Variants in EEF1AKMT2 observed in about 807,000 individuals in gnomAD.
EEF1AKMT2 encodes the protein eukaryotic translation elongation factor 1 alpha lysine methyltransferase 2.
A neutral mutation model predicts 35.8 loss-of-function variants in EEF1AKMT2; 32 were observed. That is an observed-to-expected ratio of 0.89 (90% confidence interval 0.67 to 1.20). The LOEUF (loss-of-function observed/expected upper bound fraction) is 1.20. Ranked by LOEUF, EEF1AKMT2 falls within the 50% of genes most tolerant of loss-of-function variation. EEF1AKMT2 has a pLI of 0.00. For synonymous variants in EEF1AKMT2, 121 were observed against 133.7 expected, an observed-to-expected ratio of 0.91 and a Z score of 0.65; for missense variants, 330 against 347.5, an observed-to-expected ratio of 0.95 and a Z score of 0.40.
chr10:124,771,933 G>C (rs1350971067), intron 4 of EEF1AKMT2, among the ~76,000 whole-genome samples: 1 of 152,134 alleles, frequency 6.6e-6, no homozygotes, highest in Non-Finnish European at 1.5e-5. Context: ...TTCATGCATT[G>C]TCAATGAACA....
Position 124,770,285 on chromosome 10 carries a change from C to T in EEF1AKMT2, c.399+4390G>A, listed in dbSNP as rs527628936. ...TACAAAAATTAGCTGGGTGTGGTGG[C>T]GGGTGCCTGTAGTCCCAGCTACTCG... On this transcript the variant is annotated intron_variant, in intron 4 of 6. Transcript: ENST00000368836. 7.9e-5 allele frequency among the ~76,000 whole-genome samples: 12 copies of T among 152,074 alleles called. No homozygotes were observed. The East Asian group carries it at 9.7e-4, about 12-fold the overall frequency.
At chr10:124,756,347 T>G (rs1950287345), downstream of EEF1AKMT2, among the ~76,000 whole-genome samples, 5 of 152,342 alleles carry the variant, frequency 3.3e-5, no homozygotes, top group South Asian at 1.0e-3. Flanking sequence ...AAGTCTCTTT[T>G]ACAGTGGTAT....
chr10:124,783,257 C>T (rs1318933888), intron 3 of EEF1AKMT2, among the ~76,000 whole-genome samples: 1 of 150,190 alleles, frequency 6.7e-6, no homozygotes, highest in Non-Finnish European at 1.5e-5. Flanking sequence ...TCTCCCACCT[C>T]AGCCTCCTGA....
intron 4 of EEF1AKMT2, among the ~76,000 whole-genome samples, chr10:124,769,946 C>CAA (rs71484588): frequency 0.066 from 3,962 of 60,122 alleles, 502 homozygotes; most frequent in African/African-American, 0.26. Flanking sequence ...AACTCCATCT[C>CAA]AAAAAAAAAA....
chr10:124,760,902 C>G (rs1433958778), intron 6 of EEF1AKMT2, among the ~76,000 whole-genome samples: 2 of 152,248 alleles, frequency 1.3e-5, no homozygotes, highest in Non-Finnish European at 2.9e-5. Flanking sequence ...CGGAGTCTCA[C>G]TCCATCACCG....
chr10:124,781,351 G>C (rs115592493), intron 3 of EEF1AKMT2, among the ~76,000 whole-genome samples: 2,044 of 151,872 alleles, frequency 0.013, 49 homozygotes, highest in African/African-American at 0.045. Context: ...GGCTGAGGCA[G>C]GCAGATCATC....
At position 124,759,457 on chromosome 10, in the gene EEF1AKMT2, C is replaced by G. The variant is rs369755346; in HGVS notation, c.*1046G>C. Reference sequence around the variant, plus strand: ...GAACACTAATAAAGTAACTACCCATCTTTTCTAACTGAACTTTATATGTAA... The same window carrying G: ...GAACACTAATAAAGTAACTACCCATGTTTTCTAACTGAACTTTATATGTAA... On this transcript the variant is annotated 3_prime_UTR_variant, in exon 7 of 7. Coordinates refer to ENST00000368836, the MANE Select transcript of EEF1AKMT2 (RefSeq NM_212554.4). 9 of 152,302 alleles carry G rather than the reference C, an allele frequency of 5.9e-5. No individual in the cohort carries two copies. In the East Asian group the frequency reaches 1.3e-3, roughly 23 times the overall value. 9.4% of individuals were successfully genotyped at this position (152,302 alleles called of 1,614,324 possible). A position where few individuals can be genotyped will look rare whatever the true frequency, so the allele number is the denominator to read the frequency against.
In EEF1AKMT2 at chr10:124,780,953, C is replaced by CT. The variant is rs914033040; in HGVS notation, c.292-6172dup. Reference sequence around the variant, plus strand: ...TGGAAGTCAAAAACAAGTGACGTAACTTTTTTTTTTTGAGACGGAGTCTTG... The same window carrying CT: ...TGGAAGTCAAAAACAAGTGACGTAACTTTTTTTTTTTTGAGACGGAGTCTTG... On this transcript the variant is annotated intron_variant, in intron 3 of 6. Coordinates refer to ENST00000368836, the MANE Select transcript of EEF1AKMT2 (RefSeq NM_212554.4). Among the ~76,000 whole-genome samples, 895 of 147,652 alleles carry CT rather than the reference C, an allele frequency of 6.1e-3. 10 individuals carry two copies. Among genetic ancestry groups the CT allele is most frequent in the African/African-American group, 0.02 (815 of 40,592 alleles).
At chr10:124,763,680 C>T (rs1467257529) in intron 5 of EEF1AKMT2, among the ~76,000 whole-genome samples, 1 of 152,120 alleles carries the variant, frequency 6.6e-6, no homozygotes, top group Non-Finnish European at 1.5e-5. Flanking sequence ...AGTACTCTAA[C>T]CAGGCTAAAG....
At chr10:124,784,120 G>A (rs1320413697) in intron 3 of EEF1AKMT2, among the ~76,000 whole-genome samples, 1 of 151,978 alleles carries the variant, frequency 6.6e-6, no homozygotes, top group African/African-American at 2.4e-5. Flanking sequence ...CACCACACCT[G>A]GCAATACATA....
At position 124,758,569 on chromosome 10, in the gene EEF1AKMT2, C is replaced by T. The variant is rs1276262688; in HGVS notation, c.*1934G>A. ...GGCACTAACATGCCCCAAATAGTGA[C>T]TCGAAAAGCTTTTCAACAAAGAACC... On this transcript the variant is annotated 3_prime_UTR_variant, in exon 7 of 7. Coordinates refer to ENST00000368836, the MANE Select transcript of EEF1AKMT2 (RefSeq NM_212554.4). The T allele has an allele frequency of 5.3e-5, 8 of 150,914 alleles. No homozygotes were observed. Among genetic ancestry groups the T allele is most frequent in the African/African-American group, 1.7e-4 (7 of 41,126 alleles). The allele number at this position is 150,914 out of a possible 1,614,324, so 9.3% of individuals were successfully genotyped here.
intron 3 of EEF1AKMT2, among the ~76,000 whole-genome samples, chr10:124,783,911 G>A (rs564226983): frequency 1.8e-4 from 28 of 152,076 alleles, no homozygotes; most frequent in Non-Finnish European, 3.7e-4. Context: ...CGCAACCTCC[G>A]CCTCCCAGGT....
chr10:124,763,818 T>C (rs897684434), intron 5 of EEF1AKMT2, among the ~76,000 whole-genome samples: 1 of 152,184 alleles, frequency 6.6e-6, no homozygotes, highest in African/African-American at 2.4e-5. Flanking sequence ...GAGCATTTAT[T>C]AAAACTGTCA....
At chr10:124,790,174 T>A in intron 2 of EEF1AKMT2, 99 bp downstream of exon 2, 1 of 929,794 alleles carries the variant, frequency 1.1e-6, no homozygotes, top group Non-Finnish European at 1.7e-6. Flanking sequence ...ATTACAGGCG[T>A]AAGCCACCGC....
At position 124,765,529 on chromosome 10, in the gene EEF1AKMT2, C is replaced by T. The variant is rs780294019; in HGVS notation, c.479G>A (p.Ser160Asn). 6.2e-6 allele frequency: 10 copies of T among 1,613,802 alleles called. No individual in the cohort carries two copies. The Admixed American group carries it at 1.7e-4, about 27-fold the overall frequency. Residue 160 changes from serine (S) to asparagine (N), a missense_variant, in exon 5 of 7, where the codon AGC (serine) becomes AAC (asparagine). Physicochemically the swap from Ser to Asn is conservative, Grantham distance 46 (BLOSUM62 1). Transcript: ENST00000368836. ...CTCAATTGCATTGTCAGGATTAAGG[C>T]TTATGGCATCAAAAGTCCCTTTGTC... Reference protein sequence around the residue: ...CIDKGTFDAISLNPDNAIEKR... With the variant: ...CIDKGTFDAINLNPDNAIEKR...
rs151257481 is a variant in EEF1AKMT2, at chr10:124,783,982, G to A, written c.291+5061C>T. Among the ~76,000 whole-genome samples the A allele has an allele frequency of 1.4e-3, 217 of 152,078 alleles. No homozygotes were observed. In the East Asian group the frequency reaches 0.026, roughly 18 times the overall value. On this transcript the variant is annotated intron_variant, in intron 3 of 6. Coordinates refer to ENST00000368836, the MANE Select transcript of EEF1AKMT2 (RefSeq NM_212554.4). The stretch of plus-strand genomic sequence containing the variant: ...TGGGATTACAGGCATGCACCACCAC[G>A]CCCAACCAATTTTATATTTTTAGTA...
Position 124,791,877 on chromosome 10 carries a change from G to C in EEF1AKMT2, c.-44C>G, listed in dbSNP as rs1950640145. ...CGGCCGTTGGGGCCGCCATAGAGAC[G>C]GGGCACAGGCAGAGCGGACGAGCGG... On this transcript the variant is annotated 5_prime_UTR_variant, in exon 1 of 7. Transcript: ENST00000368836. The C allele has an allele frequency of 6.5e-7, 1 of 1,531,048 alleles. No homozygotes were observed. Among genetic ancestry groups the C allele is most frequent in the Non-Finnish European group, 8.7e-7 (1 of 1,144,442 alleles). The allele number at this position is 1,531,048 out of a possible 1,614,324, so 94.8% of individuals were successfully genotyped here. A position where few individuals can be genotyped will look rare whatever the true frequency, so the allele number is the denominator to read the frequency against.
At chr10:124,782,681 G>A (rs544081615) in intron 3 of EEF1AKMT2, among the ~76,000 whole-genome samples, 5 of 151,112 alleles carry the variant, frequency 3.3e-5, no homozygotes, top group African/African-American at 4.9e-5. Flanking sequence ...GTGTGGTGGC[G>A]GGTACCTGTA....
chr10:124,767,223 C>T (rs1023460119), intron 4 of EEF1AKMT2, among the ~76,000 whole-genome samples: 10 of 139,516 alleles, frequency 7.2e-5, no homozygotes, highest in African/African-American at 2.7e-4. Flanking sequence ...TGAAAACATA[C>T]CTTATATTGG....
Sources: allele counts gnomAD v4.1 joint callset (sites outside exome capture counted in the v4.1 genomes callset), GRCh38; gene constraint gnomAD v4.1.1; transcripts MANE v1.5; gene names NCBI Gene and HGNC (gene_info 2026-07-23, HGNC 2026-07-21).